The following CPS1 variants were observed in gnomAD, a reference collection of about 807,000 sequenced individuals.
CPS1 encodes carbamoyl-phosphate synthase [ammonia], mitochondrial.
A neutral mutation model predicts 174.6 loss-of-function variants in CPS1; 109 were observed. The observed-to-expected ratio is 0.62, with a 90% CI of 0.53 to 0.73. CPS1 has a LOEUF of 0.73. Ranked by LOEUF, CPS1 falls within the 30% of genes least tolerant of loss-of-function variation. The probability of loss-of-function intolerance (pLI) is 0.00; values close to 1 mark genes in which losing one functional copy is unlikely to be tolerated. For synonymous variants in CPS1, 637 were observed against 632.0 expected, an observed-to-expected ratio of 1.01 and a Z score of -0.12; for missense variants, 1,689 against 1,821.9, an observed-to-expected ratio of 0.93 and a Z score of 1.33.
At chr2:210,585,590 A>G (rs763139498) in intron 6 of CPS1, among the ~76,000 whole-genome samples, 13 of 152,096 alleles carry the variant, frequency 8.5e-5, no homozygotes, top group South Asian at 2.1e-4. Flanking sequence ...ATAGGATTAT[A>G]CATAGGAAGG....
chr2:210,485,272 T>C (rs1428231434), intron 1 of CPS1, among the ~76,000 whole-genome samples: 1 of 151,394 alleles, frequency 6.6e-6, no homozygotes, highest in Non-Finnish European at 1.5e-5. Context: ...ATAGATCTTA[T>C]GAGACATAAT....
chr2:210,526,152 T>C (rs1695966842), intron 1 of CPS1, among the ~76,000 whole-genome samples: 1 of 151,850 alleles, frequency 6.6e-6, no homozygotes, highest in South Asian at 2.1e-4. Flanking sequence ...AAACACCACA[T>C]GTTCTCACTC....
intron 21 of CPS1, among the ~76,000 whole-genome samples, chr2:210,630,341 C>T (rs1036780435): frequency 1.3e-5 from 2 of 152,032 alleles, no homozygotes; most frequent in African/African-American, 4.8e-5. Flanking sequence ...TAAAACTTGC[C>T]TATTTAAAGA....
In CPS1 at chr2:210,674,955, T is replaced by A; in HGVS notation, c.4155T>A (p.Gly1385=). The change falls in exon 35 of 38, where the codon GGT becomes GGA. Residue 1385 remains glycine (G), a synonymous_variant. Coordinates refer to ENST00000233072, the MANE Select transcript of CPS1 (RefSeq NM_001875.5). The stretch of plus-strand genomic sequence containing the variant: ...TGGCTGAACAATTACACAATGAAGG[T>A]TTCAAGGTATGTTCATTAGTTTTAA... ...LGVAEQLHNE[G]FKLFATEATS... The A allele has an allele frequency of 1.2e-6, 2 of 1,611,540 alleles. No individual in the cohort carries two copies. Among genetic ancestry groups the A allele is most frequent in the Non-Finnish European group, 1.7e-6 (2 of 1,177,728 alleles).
chr2:210,585,449 C>T (rs1344276984), intron 6 of CPS1, among the ~76,000 whole-genome samples: 1 of 151,956 alleles, frequency 6.6e-6, no homozygotes, highest in African/African-American at 2.4e-5. Flanking sequence ...GGTTTCTTCT[C>T]AATGCTTTAC....
intron 1 of CPS1, among the ~76,000 whole-genome samples, chr2:210,548,749 A>C (rs1696629922): frequency 6.6e-6 from 1 of 152,054 alleles, no homozygotes; most frequent in Admixed American, 6.6e-5. Context: ...ATAAAATAAA[A>C]AAAGGTACTC....
intron 15 of CPS1, among the ~76,000 whole-genome samples, chr2:210,601,866 G>A (rs536853924): frequency 1.3e-5 from 2 of 151,878 alleles, no homozygotes; most frequent in East Asian, 2.0e-4. Context: ...TGTAAAAATC[G>A]TAAAAATCCA....
chr2:210,567,756 G>T (rs1697351128), intron 1 of CPS1, among the ~76,000 whole-genome samples: 1 of 151,916 alleles, frequency 6.6e-6, no homozygotes, highest in Non-Finnish European at 1.5e-5. Flanking sequence ...GTACTTTTTG[G>T]GCAGCAATTG....
rs776956472 is a variant in CPS1 at position 210,675,809 on chromosome 2, G to C, written c.4243G>C (p.Gly1415Arg). 6.3e-7 allele frequency: 1 copy of C among 1,588,978 alleles called. No individual in the cohort carries two copies. The highest frequency in any genetic ancestry group is 8.6e-7 in the Non-Finnish European group (1 of 1,157,040). The change falls in exon 36 of 38, where the codon GGA (glycine) becomes CGA (arginine). Residue 1415 changes from glycine to arginine, a missense_variant. Gly to Arg is a moderately radical substitution (Grantham distance 125, BLOSUM62 -2). Transcript: ENST00000233072. The part of the protein sequence containing the change: ...ATPVAWPSQE[G>R]QNPSLSSIRK... ...CCCAGTGGCATGGCCGTCTCAAGAAGGACAGAATCCCAGCCTCTCTTCCAT... is the reference window on the plus strand; with the variant it reads ...CCCAGTGGCATGGCCGTCTCAAGAACGACAGAATCCCAGCCTCTCTTCCAT...
chr2:210,537,851 A>G (rs1696298560), intron 1 of CPS1, among the ~76,000 whole-genome samples: 1 of 152,184 alleles, frequency 6.6e-6, no homozygotes, highest in African/African-American at 2.4e-5. Context: ...CAGTGCTACT[A>G]ATATTTTAAG....
intron 1 of CPS1, among the ~76,000 whole-genome samples, chr2:210,523,176 T>G (rs1574490520): frequency 6.6e-6 from 1 of 152,006 alleles, no homozygotes; most frequent in South Asian, 2.1e-4. Flanking sequence ...TGTGAAGTTC[T>G]TTATGTTTTT....
chr2:210,569,145 C>G (rs572135821), intron 1 of CPS1, among the ~76,000 whole-genome samples: 2 of 152,032 alleles, frequency 1.3e-5, no homozygotes, highest in Non-Finnish European at 2.9e-5. Context: ...GTGCAAGAAG[C>G]AGACCCAATA....
intron 9 of CPS1, 125 bp from the exon 10 acceptor site, chr2:210,591,706 T>C (rs1182279596): frequency 9.9e-7 from 1 of 1,009,290 alleles, no homozygotes; most frequent in Non-Finnish European, 1.5e-6. Flanking sequence ...CAGAGTGATT[T>C]TCACTAAGCA....
In CPS1 at chr2:210,599,346, G is replaced by T. The variant is rs1698621481; in HGVS notation, c.1360-26G>T. ...TCTCTTCTTTAGACCATATATTCAT[G>T]TACTGGATTCTTTTGTTTCTTTCAG... On this transcript the variant is annotated intron_variant, in intron 13 of 37. Coordinates refer to ENST00000233072, the MANE Select transcript of CPS1 (RefSeq NM_001875.5). The T allele has an allele frequency of 2.5e-6, 4 of 1,603,550 alleles. No individual in the cohort carries two copies. The East Asian group carries it at 9.0e-5, about 36-fold the overall frequency.
At chr2:210,629,446 C>T (rs1271576673) in intron 21 of CPS1, among the ~76,000 whole-genome samples, 1 of 152,010 alleles carries the variant, frequency 6.6e-6, no homozygotes, top group East Asian at 2.0e-4. Context: ...TCCCGAGTAG[C>T]TCGGACTACA....
At chr2:210,623,027 A>G (rs536723946) in intron 21 of CPS1, among the ~76,000 whole-genome samples, 48 of 152,164 alleles carry the variant, frequency 3.2e-4, no homozygotes, top group African/African-American at 1.2e-3. Context: ...GCTTCAAGTG[A>G]TTATCTTAAA....
At chr2:210,493,073 A>G (rs1694910555) in intron 1 of CPS1, among the ~76,000 whole-genome samples, 1 of 152,234 alleles carries the variant, frequency 6.6e-6, no homozygotes, top group Admixed American at 6.5e-5. Flanking sequence ...CTGCATTTAT[A>G]TTTGAACAGA....
At chr2:210,501,087 C>G (rs1695127482) in intron 1 of CPS1, among the ~76,000 whole-genome samples, 1 of 152,132 alleles carries the variant, frequency 6.6e-6, no homozygotes, top group Non-Finnish European at 1.5e-5. Context: ...AGAGCTGTAC[C>G]TTGGGCATTT....
At chr2:210,601,495 A>G (rs1238312121) in intron 15 of CPS1, among the ~76,000 whole-genome samples, 1 of 151,998 alleles carries the variant, frequency 6.6e-6, no homozygotes, top group East Asian at 1.9e-4. Flanking sequence ...TGTCAATCAA[A>G]TAATCCCAGG....
Sources: gnomAD v4.1 joint callset for allele counts (sites outside exome capture counted in the v4.1 genomes callset) on GRCh38, gnomAD v4.1.1 for gene constraint, MANE v1.5 for transcripts, NCBI Gene and HGNC (gene_info 2026-07-23, HGNC 2026-07-21) for gene names.